The following STK32B variants were observed in gnomAD, a reference collection of about 807,000 sequenced individuals.
STK32B encodes serine/threonine-protein kinase 32B.
In STK32B, 43 loss-of-function variants were observed where a neutral mutation model predicts 52.6. The ratio of observed to expected loss-of-function variants is 0.82; its 90% CI spans 0.64 to 1.05. The LOEUF is 1.05. Ranked by LOEUF, STK32B falls within the 50% of genes least tolerant of loss-of-function variation. STK32B has a pLI of 0.00. For synonymous variants in STK32B, 238 were observed against 204.3 expected, an observed-to-expected ratio of 1.17 and a Z score of -1.41; for missense variants, 621 against 534.6, an observed-to-expected ratio of 1.16 and a Z score of -1.59.
chr4:5,300,787 G>A (rs1033474217), intron 3 of STK32B, among the ~76,000 whole-genome samples: 1 of 152,070 alleles, frequency 6.6e-6, no homozygotes, highest in Admixed American at 6.5e-5. Flanking sequence ...AGAAATCATA[G>A]ATGACATAAA....
At chr4:5,419,046 GA>G (rs1227941677) in intron 6 of STK32B, among the ~76,000 whole-genome samples, 1 of 152,162 alleles carries the variant, frequency 6.6e-6, no homozygotes, top group Non-Finnish European at 1.5e-5. Flanking sequence ...GATATAAAAA[GA>G]AATGACTATT....
At chr4:5,266,638 G>A (rs538556829) in intron 3 of STK32B, among the ~76,000 whole-genome samples, 14 of 152,248 alleles carry the variant, frequency 9.2e-5, no homozygotes, top group Non-Finnish European at 1.8e-4. Flanking sequence ...CATATTAATT[G>A]AGTATTTTAC....
rs1726242523 is a variant in STK32B at position 5,255,602 on chromosome 4, T to C, written c.261-75618T>C. 4.6e-5 allele frequency among the ~76,000 whole-genome samples: 7 copies of C among 152,292 alleles called. 1 individual carries two copies. In the South Asian group the frequency reaches 1.2e-3, roughly 27 times the overall value. ...AGTCAATGCCCCACCAAGAGGCTAC[T>C]ACTGCTATTCCAATCTCTAACACAA... On this transcript the variant is annotated intron_variant, in intron 3 of 11. Transcript: ENST00000282908.
intron 1 of STK32B, among the ~76,000 whole-genome samples, chr4:5,070,864 C>T (rs967701113): frequency 1.8e-4 from 27 of 152,062 alleles, no homozygotes; most frequent in Admixed American, 1.6e-3. Context: ...TTGTATCCGG[C>T]GGAACCTCCT....
chr4:5,204,752 G>A (rs1048353854), intron 3 of STK32B, among the ~76,000 whole-genome samples: 2 of 152,124 alleles, frequency 1.3e-5, no homozygotes, highest in African/African-American at 4.8e-5. Context: ...ACAGGTGTGA[G>A]CCACTGCTCC....
At chr4:5,125,193 C>T (rs1459784229) in intron 1 of STK32B, among the ~76,000 whole-genome samples, 2 of 142,880 alleles carry the variant, frequency 1.4e-5, no homozygotes, top group Non-Finnish European at 3.2e-5. Flanking sequence ...ACAAGAGCAG[C>T]TTGGTCAACA....
intron 4 of STK32B, among the ~76,000 whole-genome samples, chr4:5,346,315 C>T (rs553973183): frequency 6.6e-6 from 1 of 152,114 alleles, no homozygotes; most frequent in Non-Finnish European, 1.5e-5. Flanking sequence ...TAGCAGTGTA[C>T]ATGAAGGAAT....
chr4:5,496,020 G>GC (rs1402649331), intron 11 of STK32B, among the ~76,000 whole-genome samples: 1 of 152,206 alleles, frequency 6.6e-6, no homozygotes. Context: ...CTGCTCGGGG[G>GC]CAGGGGTCAG....
chr4:5,410,263 G>C (rs559392860), intron 5 of STK32B, among the ~76,000 whole-genome samples: 2 of 152,318 alleles, frequency 1.3e-5, no homozygotes, highest in East Asian at 1.9e-4. Context: ...TTGGGCTTCA[G>C]CTGCTTCTTT....
chr4:5,387,229 T>C (rs914285168), intron 4 of STK32B, among the ~76,000 whole-genome samples: 3 of 152,196 alleles, frequency 2.0e-5, no homozygotes, highest in Non-Finnish European at 4.4e-5. Flanking sequence ...TGGGCCTCTC[T>C]GGTTGCCTCA....
intron 3 of STK32B, among the ~76,000 whole-genome samples, chr4:5,176,508 A>T (rs952688444): frequency 2.7e-5 from 4 of 147,664 alleles, no homozygotes; most frequent in African/African-American, 1.0e-4. Context: ...CAATGGTGCA[A>T]TCTCGGCTCA....
At chr4:5,064,270 GATAT>G (rs1235675933) in intron 1 of STK32B, among the ~76,000 whole-genome samples, 2 of 140,212 alleles carry the variant, frequency 1.4e-5, no homozygotes, top group South Asian at 4.4e-4. Context: ...AAACATATAT[GATAT>G]ATATTTATTA....
chr4:5,159,358 T>A (rs993754162), intron 2 of STK32B, among the ~76,000 whole-genome samples: 23 of 151,522 alleles, frequency 1.5e-4, no homozygotes, highest in Non-Finnish European at 2.9e-4. Context: ...TGGTAGGAAG[T>A]TGAACTGAGG....
intron 11 of STK32B, among the ~76,000 whole-genome samples, chr4:5,487,185 G>A (rs1036126668): frequency 3.9e-5 from 6 of 152,114 alleles, no homozygotes; most frequent in Admixed American, 1.3e-4. Context: ...AAGATATGTG[G>A]GTCTTTGTCA....
chr4:5,145,193 C>T (rs1396940222), intron 2 of STK32B, among the ~76,000 whole-genome samples: 1 of 152,186 alleles, frequency 6.6e-6, no homozygotes, highest in Non-Finnish European at 1.5e-5. Flanking sequence ...TGTCTTCCAC[C>T]TCCATTCCCA....
chr4:5,040,457 G>A, the STK32B span, among the ~76,000 whole-genome samples: 14 of 146,108 alleles, frequency 9.6e-5, no homozygotes, highest in South Asian at 2.4e-3. Flanking sequence ...GCAGTGGCAC[G>A]ATCTTGGCTC....
chr4:5,485,815 T>C (rs1006145558), intron 11 of STK32B, among the ~76,000 whole-genome samples: 1 of 152,222 alleles, frequency 6.6e-6, no homozygotes, highest in Non-Finnish European at 1.5e-5. Context: ...AGTCAGGACC[T>C]TCAGCTGCAG....
At chr4:5,366,940 T>A (rs1284769202) in intron 4 of STK32B, among the ~76,000 whole-genome samples, 1 of 152,140 alleles carries the variant, frequency 6.6e-6, no homozygotes, top group Non-Finnish European at 1.5e-5. Context: ...CCCTCCCATT[T>A]AGCAGCTATG....
At chr4:5,065,475 C>A (rs1201185429) in intron 1 of STK32B, among the ~76,000 whole-genome samples, 3 of 152,260 alleles carry the variant, frequency 2.0e-5, no homozygotes, top group African/African-American at 7.2e-5. Context: ...TAGATGAGGG[C>A]TACTAGGCCC....
Sources: gnomAD v4.1 joint callset for allele counts (sites outside exome capture counted in the v4.1 genomes callset) on GRCh38, gnomAD v4.1.1 for gene constraint, MANE v1.5 for transcripts, NCBI Gene and HGNC (gene_info 2026-07-23, HGNC 2026-07-21) for gene names.